The following GPC5 variants were observed in gnomAD, a reference collection of about 807,000 sequenced individuals.
GPC5 encodes the protein glypican 5.
A neutral mutation model predicts 53.9 loss-of-function variants in GPC5; 47 were observed. The ratio of observed to expected loss-of-function variants is 0.87; its 90% confidence interval spans 0.69 to 1.11. The LOEUF (loss-of-function observed/expected upper bound fraction) is 1.11, where lower values mean the gene tolerates loss of function less well. GPC5 is among the 50% of genes most tolerant of loss of function. The pLI is 0.00. For missense variants in GPC5, 748 were observed against 713.1 expected, an observed-to-expected ratio of 1.05 and a Z score of -0.56; for synonymous variants, 286 against 263.3, an observed-to-expected ratio of 1.09 and a Z score of -0.84.
chr13:92,142,597 A>G (rs988342437), intron 6 of GPC5, among the ~76,000 whole-genome samples: 1 of 152,218 alleles, frequency 6.6e-6, no homozygotes, highest in Non-Finnish European at 1.5e-5. Context: ...CAATATATCC[A>G]ATCACTTTCA....
At chr13:92,560,110 A>T (rs117287714) in intron 7 of GPC5, among the ~76,000 whole-genome samples, 2,702 of 152,050 alleles carry the variant, frequency 0.018, 32 homozygotes, top group Admixed American at 0.026. Context: ...AAGTAAAGCA[A>T]TTATCTTAAA....
chr13:92,773,994 A>G (rs1244273582), intron 7 of GPC5, among the ~76,000 whole-genome samples: 1 of 152,182 alleles, frequency 6.6e-6, no homozygotes, highest in Non-Finnish European at 1.5e-5. Flanking sequence ...TTATAAAACC[A>G]TCAGATCTCA....
intron 7 of GPC5, among the ~76,000 whole-genome samples, chr13:92,671,864 G>A (rs1055781711): frequency 2.0e-5 from 3 of 152,206 alleles, no homozygotes; most frequent in African/African-American, 7.2e-5. Context: ...ACTGTTCTGT[G>A]TGCAGGGTGG....
chr13:91,944,305 C>T (rs541393070), intron 6 of GPC5, among the ~76,000 whole-genome samples: 1 of 152,106 alleles, frequency 6.6e-6, no homozygotes. Context: ...ACCGTGTTAG[C>T]CAGGATGGTC....
At chr13:91,607,891 A>G (rs1226326926) in intron 2 of GPC5, among the ~76,000 whole-genome samples, 1 of 152,240 alleles carries the variant, frequency 6.6e-6, no homozygotes, top group Non-Finnish European at 1.5e-5. Context: ...GTTGAAAATA[A>G]GATTTAATAT....
chr13:92,160,969 T>C (rs1391733309), intron 7 of GPC5, among the ~76,000 whole-genome samples: 1 of 152,140 alleles, frequency 6.6e-6, no homozygotes, highest in Non-Finnish European at 1.5e-5. Flanking sequence ...GTTTTAATCT[T>C]GTAAAGTATG....
intron 7 of GPC5, among the ~76,000 whole-genome samples, chr13:92,264,486 C>T (rs910783051): frequency 2.0e-5 from 3 of 151,918 alleles, no homozygotes; most frequent in African/African-American, 7.3e-5. Flanking sequence ...GCAAGAAGCA[C>T]ACACACATAC....
At chr13:92,328,853 T>C (rs192157528) in intron 7 of GPC5, among the ~76,000 whole-genome samples, 2 of 152,304 alleles carry the variant, frequency 1.3e-5, no homozygotes, top group South Asian at 2.1e-4. Context: ...GTTATTATTT[T>C]TAATCCATAA....
intron 2 of GPC5, among the ~76,000 whole-genome samples, chr13:91,660,919 T>C (rs2034972590): frequency 6.6e-6 from 1 of 152,216 alleles, no homozygotes; most frequent in Non-Finnish European, 1.5e-5. Flanking sequence ...AAATATTTAG[T>C]ATCTACTATG....
chr13:91,579,618 CTTTTTCTTTTTTTTTTTTT>C (rs1566524315), intron 2 of GPC5, among the ~76,000 whole-genome samples: 1 of 120,182 alleles, frequency 8.3e-6, no homozygotes, highest in Non-Finnish European at 1.7e-5. Context: ...CTTTCTTTTT[CTTTTTCTTTTTTTTTTTTT>C]TTTTTTTTTG....
intron 5 of GPC5, among the ~76,000 whole-genome samples, chr13:91,780,637 A>G (rs1196461110): frequency 6.6e-6 from 1 of 152,202 alleles, no homozygotes; most frequent in East Asian, 1.9e-4. Context: ...TTAAAATATC[A>G]TAATTGCTAT....
intron 5 of GPC5, among the ~76,000 whole-genome samples, chr13:91,851,499 C>A (rs1053779663): frequency 2.3e-4 from 34 of 148,248 alleles, no homozygotes; most frequent in Non-Finnish European, 4.5e-4. Context: ...AATACGTTTT[C>A]TTTTTTTTTT....
chr13:91,772,254 A>G (rs944811071), intron 5 of GPC5, among the ~76,000 whole-genome samples: 1 of 152,180 alleles, frequency 6.6e-6, no homozygotes, highest in Admixed American at 6.6e-5. Flanking sequence ...TTAATGTAAA[A>G]CATGTCATAA....
chr13:91,712,862 G>T (rs1488822826), intron 3 of GPC5, among the ~76,000 whole-genome samples: 1 of 151,164 alleles, frequency 6.6e-6, no homozygotes, highest in Non-Finnish European at 1.5e-5. Context: ...AAGAGATCAT[G>T]TTAAATGTAA....
At chr13:91,737,488 C>CTTAAT (rs3084161) in intron 4 of GPC5, among the ~76,000 whole-genome samples, 111,363 of 150,406 alleles carry the variant, frequency 0.74, 41,799 homozygotes, top group Middle Eastern at 0.82. Flanking sequence ...GTTTCCATAG[C>CTTAAT]TTAGTTTCTG....
At chr13:92,535,495 C>T (rs1881695545) in intron 7 of GPC5, among the ~76,000 whole-genome samples, 1 of 151,928 alleles carries the variant, frequency 6.6e-6, no homozygotes, top group Non-Finnish European at 1.5e-5. Context: ...AAGGGGGGGT[C>T]CAGAAGCAAT....
intron 2 of GPC5, among the ~76,000 whole-genome samples, chr13:91,659,670 T>G (rs1034033642): frequency 6.6e-6 from 1 of 152,160 alleles, no homozygotes; most frequent in Non-Finnish European, 1.5e-5. Context: ...AAAACAAATT[T>G]GGGTCTAGCA....
chr13:91,893,727 C>T (rs1374802926), intron 5 of GPC5, among the ~76,000 whole-genome samples: 1 of 152,028 alleles, frequency 6.6e-6, no homozygotes, highest in African/African-American at 2.4e-5. Context: ...ATTTTAGATA[C>T]AACTTATTTT....
chr13:91,782,156 G>A (rs1212372382), intron 5 of GPC5, among the ~76,000 whole-genome samples: 2 of 152,122 alleles, frequency 1.3e-5, no homozygotes, highest in African/African-American at 2.4e-5. Context: ...CTGTTTCTCA[G>A]GCATTCCAAG....
Sources: allele counts gnomAD v4.1 joint callset (sites outside exome capture counted in the v4.1 genomes callset), GRCh38; gene constraint gnomAD v4.1.1; transcripts MANE v1.5; gene names NCBI Gene and HGNC (gene_info 2026-07-23, HGNC 2026-07-21).